UCHL5: variants seen among roughly 807,000 people sequenced by gnomAD.
UCHL5 encodes ubiquitin carboxyl-terminal hydrolase isozyme L5.
In UCHL5, 34 loss-of-function variants were observed where a neutral mutation model predicts 53.8. That is an observed-to-expected ratio of 0.63 (90% confidence interval 0.48 to 0.84). The LOEUF is 0.84. UCHL5 is among the 40% of genes least tolerant of loss of function. The pLI is 0.00. For missense variants in UCHL5, 290 were observed against 385.6 expected, an observed-to-expected ratio of 0.75 and a Z score of 2.08; for synonymous variants, 111 against 126.3, an observed-to-expected ratio of 0.88 and a Z score of 0.81.
At chr1:193,024,199 T>C (rs116048538) in intron 7 of UCHL5, among the ~76,000 whole-genome samples, 1,523 of 151,556 alleles carry the variant, frequency 0.01, 28 homozygotes, top group African/African-American at 0.034. Context: ...GCTATGATAG[T>C]GCACTATACT....
intron 10 of UCHL5, chr1:193,019,901 C>T: frequency 1.0e-6 from 1 of 968,324 alleles, no homozygotes; most frequent in Non-Finnish European, 1.2e-6. Flanking sequence ...TCTGATGTAT[C>T]ACATATTTAG....
At chr1:193,016,898 T>C (rs969820672) in intron 10 of UCHL5, among the ~76,000 whole-genome samples, 3 of 151,824 alleles carry the variant, frequency 2.0e-5, no homozygotes, top group African/African-American at 7.2e-5. Flanking sequence ...AAAAAATGTT[T>C]TTACATACTA....
At chr1:193,031,236 A>T (rs1214318576) in intron 3 of UCHL5, among the ~76,000 whole-genome samples, 4 of 152,182 alleles carry the variant, frequency 2.6e-5, no homozygotes, top group African/African-American at 4.8e-5. Context: ...AGGATAGCAC[A>T]GTGGGAGGAG....
At chr1:193,027,940 T>C (rs750809814) in intron 7 of UCHL5, 145 bp downstream of exon 7, 5 of 1,480,840 alleles carry the variant, frequency 3.4e-6, no homozygotes, top group South Asian at 2.6e-5. Flanking sequence ...CTGGGCAACA[T>C]GGTGAAAACC....
intron 3 of UCHL5, among the ~76,000 whole-genome samples, chr1:193,045,170 C>A (rs978095472): frequency 6.6e-6 from 1 of 152,036 alleles, no homozygotes; most frequent in East Asian, 1.9e-4. Flanking sequence ...ATGAACGGTT[C>A]GGTCTGCATT....
In UCHL5 at chr1:193,059,349, G is replaced by A; in HGVS notation, c.-89C>T. ...GCCGGCCACAGATCTCAGCAAACCC[G>A]CCGCCGAGCTCGTCAACCACACGTC... On this transcript the variant is annotated 5_prime_UTR_variant, in exon 1 of 11. Coordinates refer to ENST00000367454, the MANE Select transcript of UCHL5 (RefSeq NM_001199261.3). The surrounding 1 kb of genome is among the most constrained non-coding windows in gnomAD (Gnocchi z 4.9). 1.2e-6 allele frequency: 2 copies of A among 1,605,360 alleles called. No homozygotes were observed. Among genetic ancestry groups the A allele is most frequent in the Non-Finnish European group, 1.7e-6 (2 of 1,176,148 alleles).
At chr1:193,024,108 G>A (rs1203916144) in intron 7 of UCHL5, among the ~76,000 whole-genome samples, 162 bp from the exon 8 acceptor site, 2 of 151,998 alleles carry the variant, frequency 1.3e-5, no homozygotes, top group Non-Finnish European at 2.9e-5. Context: ...TTCAGGTCAG[G>A]CACATAGGTG....
At chr1:193,059,632 C>A (rs1432451785), upstream of UCHL5, 3 of 1,401,426 alleles carry the variant, frequency 2.1e-6, no homozygotes, top group South Asian at 3.4e-5. The surrounding 1 kb of genome is among the most constrained non-coding windows in gnomAD (Gnocchi z 4.9). Context: ...GGGAACCGAA[C>A]CTGGAATCCC....
chr1:193,022,916 A>T lies in UCHL5; in HGVS notation c.843+10T>A, dbSNP rs1657674715. The T allele has an allele frequency of 2.5e-6, 4 of 1,584,358 alleles. No individual in the cohort carries two copies. Among genetic ancestry groups the T allele is most frequent in the East Asian group, 2.2e-5 (1 of 44,620 alleles). ...TAAAACATTAAAGGAACACATTTTT[A>T]AAAACATACCTTGTATCTTTTTAAT... is the stretch of plus-strand genomic sequence containing the variant. On this transcript the variant is annotated intron_variant, in intron 9 of 10. Transcript: ENST00000367454.
At chr1:193,030,796 C>T (rs1661090203) in intron 3 of UCHL5, among the ~76,000 whole-genome samples, 1 of 151,778 alleles carries the variant, frequency 6.6e-6, no homozygotes, top group Non-Finnish European at 1.5e-5. Context: ...TCTTATAGTT[C>T]TCTATTTCTC....
intron 3 of UCHL5, among the ~76,000 whole-genome samples, chr1:193,030,194 C>T (rs1360760947): frequency 1.3e-5 from 2 of 152,084 alleles, no homozygotes; most frequent in African/African-American, 4.8e-5. Context: ...TATCATCTAG[C>T]TATAATCATT....
upstream of UCHL5, chr1:193,059,579 G>T (rs775773753): frequency 6.7e-7 from 1 of 1,488,802 alleles, no homozygotes; most frequent in Non-Finnish European, 9.1e-7. This position sits in a 1 kb window ranked among gnomAD's most constrained non-coding sequence, Gnocchi z 4.9. Context: ...TCGCCCCTCT[G>T]GGGCGGAGGC....
chr1:193,021,012 T>A lies in UCHL5; in HGVS notation c.942+85A>T, dbSNP rs112786203. 7 of 1,029,750 alleles carry A rather than the reference T, an allele frequency of 6.8e-6. No individual in the cohort carries two copies. In the East Asian group the frequency reaches 1.0e-4, roughly 15 times the overall value. The allele number at this position is 1,029,750 out of a possible 1,614,324, so 63.8% of individuals were successfully genotyped here. On this transcript the variant is annotated intron_variant, in intron 10 of 10. Coordinates refer to ENST00000367454, the MANE Select transcript of UCHL5 (RefSeq NM_001199261.3). ...CGTACAAGCTTCCAAAAATTTTACC[T>A]CTATTCAAGCAAAAAATAAAAAATA...
At chr1:193,046,969 C>G (rs1667531584) in intron 3 of UCHL5, among the ~76,000 whole-genome samples, 1 of 151,816 alleles carries the variant, frequency 6.6e-6, no homozygotes, top group African/African-American at 2.4e-5. Flanking sequence ...GGGTTTTATA[C>G]TTGGAGTTCT....
At chr1:193,055,713 T>A (rs1253456233) in intron 1 of UCHL5, among the ~76,000 whole-genome samples, 1 of 152,270 alleles carries the variant, frequency 6.6e-6, no homozygotes, top group African/African-American at 2.4e-5. Context: ...GTTAAACCAA[T>A]CCTAAATTAC....
chr1:193,020,026 T>C, intron 10 of UCHL5: 1 of 984,886 alleles, frequency 1.0e-6, no homozygotes, highest in East Asian at 1.1e-4. Context: ...GGACCCTGTA[T>C]TAATCTAAAA....
At chr1:193,043,151 TAAAAAAAAAAAA>T (rs200951342) in intron 3 of UCHL5, among the ~76,000 whole-genome samples, 2 of 36,376 alleles carry the variant, frequency 5.5e-5, no homozygotes, top group Non-Finnish European at 1.1e-4. Context: ...TCTTGAATAT[TAAAAAAAAAAAA>T]AAAAAAAAAA....
chr1:193,028,750 T>A (rs1457442054), intron 6 of UCHL5, among the ~76,000 whole-genome samples: 1 of 152,094 alleles, frequency 6.6e-6, no homozygotes, highest in Admixed American at 6.6e-5. Context: ...ATAGAGAAAT[T>A]TTAAGAAAAA....
Position 193,023,848 on chromosome 1 carries a change from G to C in UCHL5, c.728C>G (p.Ala243Gly). The change falls in exon 8 of 11, where the codon GCA becomes GGA. Residue 243 changes from alanine to glycine, a missense_variant. Physicochemically the swap from Ala to Gly is moderately conservative, Grantham distance 60. Coordinates refer to ENST00000367454, the MANE Select transcript of UCHL5 (RefSeq NM_001199261.3). ...QKIAELQRQLAEEPMDTDQGN... is the reference protein window; with the variant it reads ...QKIAELQRQLGEEPMDTDQGN... ...CTTAGAAACATGGCCACGAACCTCT[G>C]CAAGTTGTCTTTGTAACTCTGCTAT... is the stretch of plus-strand genomic sequence containing the variant. The C allele has an allele frequency of 1.2e-6, 2 of 1,610,792 alleles. No homozygotes were observed. The highest frequency in any genetic ancestry group is 1.7e-6 in the Non-Finnish European group (2 of 1,178,476).
Sources: gnomAD v4.1 joint callset for allele counts (sites outside exome capture counted in the v4.1 genomes callset) on GRCh38, gnomAD v4.1.1 for gene constraint, Gnocchi (gnomAD v3.1) non-coding constraint, MANE v1.5 for transcripts, NCBI Gene and HGNC (gene_info 2026-07-23, HGNC 2026-07-21) for gene names.